The following BLM variants were observed in gnomAD, a reference collection of about 807,000 sequenced individuals.
The protein encoded by BLM is BLM RecQ like helicase.
BLM carries 95 observed loss-of-function variants against 135.3 expected under a neutral mutation model. That is an observed-to-expected ratio of 0.70 (90% CI 0.59 to 0.83). The LOEUF (loss-of-function observed/expected upper bound fraction) is 0.83, where lower values mean the gene tolerates loss of function less well. Among genes scored for constraint, BLM ranks in the 40% least tolerant of loss-of-function variants. The pLI is 0.00. For synonymous variants in BLM, 520 were observed against 589.2 expected (o/e 0.88, Z 1.70); for missense variants, 1,518 against 1,663.9 (o/e 0.91, Z 1.53).
chr15:90,764,924 C>G (rs892803794), intron 8 of BLM, among the ~76,000 whole-genome samples: 1 of 151,966 alleles, frequency 6.6e-6, no homozygotes, highest in Non-Finnish European at 1.5e-5. Context: ...CAAAAATTAG[C>G]AGGATGTGGT....
chr15:90,807,108 C>A (rs1335990240), intron 19 of BLM, among the ~76,000 whole-genome samples: 1 of 152,224 alleles, frequency 6.6e-6, no homozygotes, highest in Non-Finnish European at 1.5e-5. Context: ...TATGTCATCA[C>A]TAACATTCTC....
chr15:90,774,809 A>AC (rs1896429489), intron 12 of BLM, among the ~76,000 whole-genome samples: 1 of 51,040 alleles, frequency 2.0e-5, no homozygotes, highest in African/African-American at 2.5e-4. Flanking sequence ...ACTCCAGCCA[A>AC]AAAAAAAAAA....
intron 14 of BLM, among the ~76,000 whole-genome samples, chr15:90,789,836 G>A (rs1044545199): frequency 6.6e-6 from 1 of 152,000 alleles, no homozygotes; most frequent in Non-Finnish European, 1.5e-5. Flanking sequence ...ATTTTGCCTG[G>A]AGATATAACA....
At chr15:90,752,383 C>T (rs763927144) in intron 4 of BLM, among the ~76,000 whole-genome samples, 4 of 151,998 alleles carry the variant, frequency 2.6e-5, no homozygotes, top group Non-Finnish European at 5.9e-5. Flanking sequence ...TGCCATGTTG[C>T]CCAGGCTAGT....
intron 12 of BLM, among the ~76,000 whole-genome samples, chr15:90,769,849 A>G (rs1020915433): frequency 1.3e-5 from 2 of 152,094 alleles, no homozygotes; most frequent in Non-Finnish European, 2.9e-5. Context: ...CTGAAATTAA[A>G]ACTCCTTTTC....
At chr15:90,771,261 TGGA>T (rs1340733832) in intron 12 of BLM, among the ~76,000 whole-genome samples, 1 of 152,150 alleles carries the variant, frequency 6.6e-6, no homozygotes, top group Admixed American at 6.5e-5. Context: ...CCGAGGCAGG[TGGA>T]TCGCCTAAGG....
chr15:90,759,604 TC>T lies in BLM; in HGVS notation c.1088-542del, dbSNP rs770320928. Among the ~76,000 whole-genome samples the T allele has an allele frequency of 8.6e-3, 1,306 of 151,748 alleles. 9 individuals carry two copies. Among genetic ancestry groups the T allele is most frequent in the Non-Finnish European group, 0.016 (1,070 of 67,938 alleles). On this transcript the variant is annotated intron_variant, in intron 5 of 21. Coordinates refer to ENST00000355112, the MANE Select transcript of BLM (RefSeq NM_000057.4). The stretch of plus-strand genomic sequence containing the variant: ...GCCAGACCCCCTTTCTTTCTTTCTT[TC>T]TTTCTTTCTTTTTTTTGTGAGACAA...
At position 90,804,309 on chromosome 15, in the gene BLM, G is replaced by A. The variant is rs1897237331; in HGVS notation, c.3701G>A (p.Gly1234Asp). 1 of 1,614,168 alleles carries A rather than the reference G, an allele frequency of 6.2e-7. No individual in the cohort carries two copies. The highest frequency in any genetic ancestry group is 8.5e-7 in the Non-Finnish European group (1 of 1,180,004). ...EVCKSLGKVF[G>D]VHYFNIFNTV... ...TGCAAATCTCTGGGGAAAGTTTTTG[G>A]TGTCCATTACTTCAATATTTTTAAT... Residue 1234 changes from glycine (G) to aspartate (D), a missense_variant, in exon 19 of 22, where the codon GGT (glycine) becomes GAT (aspartate). Physicochemically the swap from Gly to Asp is moderately conservative, Grantham distance 94. Transcript: ENST00000355112.
At chr15:90,765,242 A>T (rs1896089267) in intron 8 of BLM, 54 bp from the exon 9 acceptor site, 4 of 1,375,594 alleles carry the variant, frequency 2.9e-6, no homozygotes, top group East Asian at 2.3e-5. Context: ...TAACTTTTAC[A>T]TTCATGCTCT....
At chr15:90,737,721 G>T (rs552719635) in intron 1 of BLM, among the ~76,000 whole-genome samples, 1 of 152,100 alleles carries the variant, frequency 6.6e-6, no homozygotes, top group East Asian at 1.9e-4. Flanking sequence ...CATTAAAAAA[G>T]AAAGATCTGA....
intron 21 of BLM, among the ~76,000 whole-genome samples, chr15:90,811,630 A>G (rs1897423501): frequency 6.6e-6 from 1 of 152,238 alleles, no homozygotes; most frequent in Non-Finnish European, 1.5e-5. Context: ...TAAAACATCT[A>G]CTGACTAATA....
In BLM at chr15:90,782,909, G is replaced by A. The variant is rs367543039; in HGVS notation, c.2643G>A (p.Trp881Ter). 6.2e-7 allele frequency: 1 copy of A among 1,612,586 alleles called. No homozygotes were observed. The highest frequency in any genetic ancestry group is 8.5e-7 in the Non-Finnish European group (1 of 1,178,614). ...PKKVAFDCLE[W>*]IRKHHPYDSG... Reference sequence around the variant, plus strand: ...AGGTGGCATTTGATTGCCTAGAATGGATCAGAAAGCACCACCCATGTGAGT... The same window carrying A: ...AGGTGGCATTTGATTGCCTAGAATGAATCAGAAAGCACCACCCATGTGAGT... Residue 881 changes from tryptophan to a stop codon, truncating the protein, a stop_gained, in exon 13 of 22, where the codon TGG becomes TGA. Transcript: ENST00000355112. LOFTEE classifies it high-confidence loss of function.
intron 14 of BLM, 144 bp from the exon 15 acceptor site, chr15:90,790,505 T>C: frequency 1.3e-6 from 1 of 759,880 alleles, no homozygotes; most frequent in Non-Finnish European, 2.2e-6. Flanking sequence ...TACTAAATAG[T>C]TGGACCAAGT....
In BLM at chr15:90,814,212, C is replaced by G. The variant is rs149603694; in HGVS notation, c.4077-890C>G. 2.5e-3 allele frequency among the ~76,000 whole-genome samples: 375 copies of G among 152,300 alleles called. 1 individual carries two copies. The highest frequency in any genetic ancestry group is 8.8e-3 in the African/African-American group (364 of 41,558). On this transcript the variant is annotated intron_variant, in intron 21 of 21. Transcript: ENST00000355112. ...CTATACCCTCAATTCAGACGGGAGG[C>G]TACTTGTATGCCCTGGTGCCGTGGA...
intron 5 of BLM, among the ~76,000 whole-genome samples, chr15:90,759,414 A>T (rs1895899597): frequency 1.4e-5 from 2 of 140,206 alleles, no homozygotes; most frequent in Admixed American, 7.2e-5. Flanking sequence ...ATAATTAATT[A>T]AAAAAAAAAA....
chr15:90,752,050 C>T, intron 4 of BLM, 104 bp downstream of exon 4: 1 of 1,114,980 alleles, frequency 9.0e-7, no homozygotes, highest in South Asian at 1.5e-5. Flanking sequence ...TTTGTGCTTT[C>T]TACAATTATT....
chr15:90,764,262 T>C (rs1451500922), intron 8 of BLM, among the ~76,000 whole-genome samples: 2 of 148,504 alleles, frequency 1.3e-5, no homozygotes, highest in Admixed American at 6.8e-5. Flanking sequence ...ATATAATATG[T>C]ATATTGTATT....
chr15:90,737,771 A>G (rs1471816231), intron 1 of BLM, among the ~76,000 whole-genome samples: 1 of 152,214 alleles, frequency 6.6e-6, no homozygotes, highest in Non-Finnish European at 1.5e-5. Flanking sequence ...AACAGTAAAA[A>G]GAACAAACCA....
intron 10 of BLM, among the ~76,000 whole-genome samples, chr15:90,768,883 C>T (rs978229692): frequency 2.0e-5 from 3 of 152,118 alleles, no homozygotes; most frequent in African/African-American, 4.8e-5. Context: ...TGCACCACCA[C>T]GCCCGGCTAA....
Sources: allele counts gnomAD v4.1 joint callset (sites outside exome capture counted in the v4.1 genomes callset), GRCh38; gene constraint gnomAD v4.1.1; transcripts MANE v1.5; gene names NCBI Gene and HGNC (gene_info 2026-07-23, HGNC 2026-07-21).